The following VTI1A variants were observed in gnomAD, a reference collection of about 807,000 sequenced individuals.
VTI1A encodes the protein vesicle transport through interaction with t-SNAREs 1A.
VTI1A carries 22 observed loss-of-function variants against 34.9 expected under a neutral mutation model. The ratio of observed to expected loss-of-function variants is 0.63; its 90% CI spans 0.45 to 0.90. VTI1A has a LOEUF of 0.90. Ranked by LOEUF, VTI1A falls within the 40% of genes least tolerant of loss-of-function variation. The probability of loss-of-function intolerance (pLI) is 0.00; values close to 1 mark genes in which losing one functional copy is unlikely to be tolerated. For synonymous variants in VTI1A, 87 were observed against 97.3 expected, an observed-to-expected ratio of 0.89 and a Z score of 0.62; for missense variants, 268 against 275.6, an observed-to-expected ratio of 0.97 and a Z score of 0.20.
intron 7 of VTI1A, among the ~76,000 whole-genome samples, chr10:112,683,059 A>G (rs1848276179): frequency 6.6e-6 from 1 of 152,252 alleles, no homozygotes; most frequent in Non-Finnish European, 1.5e-5. Flanking sequence ...CTGGATTTCC[A>G]CAGAGCATGC....
intron 7 of VTI1A, among the ~76,000 whole-genome samples, chr10:112,788,434 A>G (rs890050335): frequency 2.0e-5 from 3 of 152,236 alleles, no homozygotes; most frequent in Non-Finnish European, 4.4e-5. Context: ...CTTAAAAGCC[A>G]TGTGTCTGAT....
At chr10:112,617,448 A>G (rs1411709853) in intron 5 of VTI1A, among the ~76,000 whole-genome samples, 3 of 152,152 alleles carry the variant, frequency 2.0e-5, no homozygotes, top group Admixed American at 6.5e-5. Flanking sequence ...TGAAAACTGA[A>G]TGAGAAATTA....
intron 7 of VTI1A, among the ~76,000 whole-genome samples, chr10:112,676,308 C>T (rs1000642462): frequency 6.6e-6 from 1 of 152,142 alleles, no homozygotes; most frequent in African/African-American, 2.4e-5. Context: ...TCTTGCACTG[C>T]TCTGGTGCGT....
Position 112,460,587 on chromosome 10 carries a change from G to A in VTI1A, c.153+5G>A. ...CTTGAAGAAGCGAAAGAACTGGTAT[G>A]TACAGACAGTAATGTATTTTAACAC... On this transcript the variant is annotated splice_donor_5th_base_variant and intron_variant, in intron 2 of 7. Coordinates refer to ENST00000393077, the MANE Select transcript of VTI1A (RefSeq NM_145206.4). 1 of 1,592,710 alleles carries A rather than the reference G, an allele frequency of 6.3e-7. No individual in the cohort carries two copies. The highest frequency in any genetic ancestry group is 8.5e-7 in the Non-Finnish European group (1 of 1,170,730).
intron 7 of VTI1A, among the ~76,000 whole-genome samples, chr10:112,761,245 TA>T (rs1428545423): frequency 1.3e-5 from 2 of 152,210 alleles, no homozygotes; most frequent in African/African-American, 2.4e-5. Flanking sequence ...TGATCACCCT[TA>T]GATTCTGTGG....
At chr10:112,731,284 C>T (rs1284696370) in intron 7 of VTI1A, among the ~76,000 whole-genome samples, 3 of 152,096 alleles carry the variant, frequency 2.0e-5, no homozygotes, top group African/African-American at 7.2e-5. Context: ...CGTGAATAAA[C>T]TCCATAAGGC....
At chr10:112,672,862 A>G (rs1167972056) in intron 7 of VTI1A, 1 of 152,186 alleles carries the variant, frequency 6.6e-6, no homozygotes, top group Non-Finnish European at 1.5e-5. Flanking sequence ...TTAATGATTG[A>G]TCACTAATTG....
At chr10:112,745,746 T>C (rs1244468939) in intron 7 of VTI1A, among the ~76,000 whole-genome samples, 1 of 152,222 alleles carries the variant, frequency 6.6e-6, no homozygotes, top group Non-Finnish European at 1.5e-5. Flanking sequence ...ATCTTATTTT[T>C]ACAAAGATAT....
chr10:112,737,775 A>G (rs1407536398), intron 7 of VTI1A: 2 of 1,026,690 alleles, frequency 1.9e-6, no homozygotes, highest in Non-Finnish European at 2.4e-6. Context: ...CTGGAGATCA[A>G]AAAAAAAAAT....
intron 7 of VTI1A, among the ~76,000 whole-genome samples, chr10:112,777,696 G>T (rs1412179726): frequency 6.6e-6 from 1 of 152,226 alleles, no homozygotes; most frequent in African/African-American, 2.4e-5. Flanking sequence ...AGAGGCCTCC[G>T]TTTCCCGGAC....
intron 5 of VTI1A, among the ~76,000 whole-genome samples, chr10:112,597,863 A>C (rs531740027): frequency 1.4e-3 from 207 of 151,364 alleles, no homozygotes; most frequent in African/African-American, 4.4e-3. Flanking sequence ...ACGCCCGGCT[A>C]ATTTTTTGTA....
At chr10:112,803,786 G>A (rs902530555) in intron 7 of VTI1A, among the ~76,000 whole-genome samples, 46 of 152,292 alleles carry the variant, frequency 3.0e-4, no homozygotes, top group African/African-American at 1.1e-3. Flanking sequence ...AAAATAAAAT[G>A]AAGAATTTAG....
chr10:112,505,761 C>T (rs1589840250), intron 3 of VTI1A, among the ~76,000 whole-genome samples: 1 of 151,750 alleles, frequency 6.6e-6, no homozygotes, highest in Non-Finnish European at 1.5e-5. Flanking sequence ...CTAGTCTTAA[C>T]CTCCCAGGCT....
At chr10:112,735,690 G>A (rs754085779) in intron 7 of VTI1A, among the ~76,000 whole-genome samples, 1 of 152,148 alleles carries the variant, frequency 6.6e-6, no homozygotes, top group African/African-American at 2.4e-5. Flanking sequence ...ACTAGAGGAG[G>A]TTTAATTGGT....
intron 5 of VTI1A, among the ~76,000 whole-genome samples, chr10:112,567,324 G>A (rs1589913709): frequency 6.6e-6 from 1 of 152,000 alleles, no homozygotes; most frequent in Non-Finnish European, 1.5e-5. Context: ...CCACTGCGCC[G>A]GCCATAATTT....
chr10:112,491,521 T>A (rs1358922855), intron 3 of VTI1A, among the ~76,000 whole-genome samples: 1 of 152,232 alleles, frequency 6.6e-6, no homozygotes, highest in African/African-American at 2.4e-5. Flanking sequence ...CAGCCACATA[T>A]GTAACTTTAA....
At chr10:112,710,621 T>G (rs1564894274) in intron 7 of VTI1A, among the ~76,000 whole-genome samples, 1 of 152,218 alleles carries the variant, frequency 6.6e-6, no homozygotes, top group Non-Finnish European at 1.5e-5. Context: ...GTTTATATTT[T>G]TTAAGCAATG....
At chr10:112,654,526 A>T (rs1261748708) in intron 5 of VTI1A, among the ~76,000 whole-genome samples, 1 of 151,994 alleles carries the variant, frequency 6.6e-6, no homozygotes, top group African/African-American at 2.4e-5. Flanking sequence ...ACCGAGTCTA[A>T]CTGTCACCGA....
chr10:112,654,561 C>T (rs945535701), intron 5 of VTI1A, among the ~76,000 whole-genome samples: 8 of 152,172 alleles, frequency 5.3e-5, no homozygotes, highest in East Asian at 1.9e-4. Flanking sequence ...GGCACAGTCT[C>T]GACTCACTGC....
Sources: allele counts gnomAD v4.1 joint callset (sites outside exome capture counted in the v4.1 genomes callset), GRCh38; gene constraint gnomAD v4.1.1; transcripts MANE v1.5; gene names NCBI Gene and HGNC (gene_info 2026-07-23, HGNC 2026-07-21).